The following RUFY2 variants were observed in gnomAD, a reference collection of about 807,000 sequenced individuals.
RUFY2 encodes the protein RUN and FYVE domain-containing protein 2.
RUFY2 carries 49 observed loss-of-function variants against 94.4 expected under a neutral mutation model. The observed-to-expected ratio is 0.52, with a 90% CI of 0.41 to 0.66. RUFY2 has a LOEUF of 0.66. RUFY2 is among the 30% of genes least tolerant of loss of function. The probability of loss-of-function intolerance (pLI) is 0.00; values close to 1 mark genes in which losing one functional copy is unlikely to be tolerated. For synonymous variants in RUFY2, 255 were observed against 235.7 expected, an observed-to-expected ratio of 1.08 and a Z score of -0.75; for missense variants, 541 against 692.8, an observed-to-expected ratio of 0.78 and a Z score of 2.46.
In RUFY2 at chr10:68,356,073, G is replaced by A. The variant is rs933784225; in HGVS notation, c.1551-672C>T. Among the ~76,000 whole-genome samples, 11 of 152,114 alleles carry A rather than the reference G, an allele frequency of 7.2e-5. No homozygotes were observed. In the South Asian group the frequency reaches 1.7e-3, roughly 23 times the overall value. On this transcript the variant is annotated intron_variant, in intron 15 of 17. Coordinates refer to ENST00000602465, the MANE Select transcript of RUFY2 (RefSeq NM_001330103.2). Reference sequence around the variant, plus strand: ...TTTTAAAGATGAAGAAATGACTGATGAAGTTTAGTCACTTGTAAGAAGTCA... The same window carrying A: ...TTTTAAAGATGAAGAAATGACTGATAAAGTTTAGTCACTTGTAAGAAGTCA...
intron 11 of RUFY2, 88 bp downstream of exon 11, chr10:68,381,143 TA>T: frequency 1.1e-6 from 1 of 936,314 alleles, no homozygotes; most frequent in Non-Finnish European, 1.6e-6. Flanking sequence ...ACAGTTAAAA[TA>T]AAATGGGCTC....
Position 68,407,175 on chromosome 10 carries a change from G to T in RUFY2, c.4+11C>A. On this transcript the variant is annotated intron_variant, in intron 1 of 17. Transcript: ENST00000602465. ...AGGGCCTAGCGTTCGGTTTCGGCCCGCTCGCCTTACCCATGGCGGCGGCGG... is the reference window on the plus strand; with the variant it reads ...AGGGCCTAGCGTTCGGTTTCGGCCCTCTCGCCTTACCCATGGCGGCGGCGG... 6.9e-7 allele frequency: 1 copy of T among 1,449,852 alleles called. No individual in the cohort carries two copies. The highest frequency in any genetic ancestry group is 1.4e-5 in the South Asian group (1 of 72,678). 89.8% of individuals were successfully genotyped at this position (1,449,852 alleles called of 1,614,324 possible). A position where few individuals can be genotyped will look rare whatever the true frequency, so the allele number is the denominator to read the frequency against.
In RUFY2 at chr10:68,383,954, T is replaced by C. The variant is rs775278378; in HGVS notation, c.823-40A>G. 29 of 1,571,028 alleles carry C rather than the reference T, an allele frequency of 1.8e-5. No homozygotes were observed. The African/African-American group carries it at 3.8e-4, about 21-fold the overall frequency. ...AAATTTTTCATTCTATAATCACTAC[T>C]ATTAATACAGCATAGAAATACCTAC... On this transcript the variant is annotated intron_variant, in intron 9 of 17. Transcript: ENST00000602465.
At chr10:68,373,553 G>A (rs2048416020) in intron 13 of RUFY2, among the ~76,000 whole-genome samples, 1 of 152,072 alleles carries the variant, frequency 6.6e-6, no homozygotes, top group Non-Finnish European at 1.5e-5. Flanking sequence ...AATCACTTGA[G>A]GCCAGGAGTT....
intron 8 of RUFY2, among the ~76,000 whole-genome samples, chr10:68,385,441 G>T (rs1197962599): frequency 6.6e-6 from 1 of 152,012 alleles, no homozygotes; most frequent in South Asian, 2.1e-4. Context: ...AGATAAATTT[G>T]CAAGAAAACA....
chr10:68,341,988 T>C, downstream of RUFY2: 1 of 1,613,978 alleles, frequency 6.2e-7, no homozygotes, highest in Non-Finnish European at 8.5e-7. Context: ...GCCGTGGTGG[T>C]GGAGGCAGTG....
chr10:68,343,274 GTC>G (rs1254282746), downstream of RUFY2: 1 of 152,196 alleles, frequency 6.6e-6, no homozygotes, highest in African/African-American at 2.4e-5. Context: ...TACATACGAT[GTC>G]TATGATTTAG....
chr10:68,376,932 C>T lies in RUFY2; in HGVS notation c.1246G>A (p.Glu416Lys), dbSNP rs1342130671. Reference sequence around the variant, plus strand: ...CATTCTTGTAGATATTTCTCATCCTCATCTTCAGCTTCCATTTGCGCCTTC... The same window carrying T: ...CATTCTTGTAGATATTTCTCATCCTTATCTTCAGCTTCCATTTGCGCCTTC... The part of the protein sequence containing the change: ...AEKAQMEAED[E>K]DEKYLQECLS... Residue 416 changes from glutamate (E) to lysine (K), a missense_variant, in exon 13 of 18, where the codon GAG (glutamate) becomes AAG (lysine). Glu to Lys is a moderately conservative substitution (Grantham distance 56). Around this residue, in one of 3 missense-constraint regions of RUFY2, gnomAD observed 403 missense variants for 480.7 expected, o/e 0.84. Coordinates refer to ENST00000602465, the MANE Select transcript of RUFY2 (RefSeq NM_001330103.2). The T allele has an allele frequency of 1.2e-6, 2 of 1,613,724 alleles. No homozygotes were observed. Among genetic ancestry groups the T allele is most frequent in the Admixed American group, 1.7e-5 (1 of 59,976 alleles).
chr10:68,378,116 GGGTGTT>G, intron 12 of RUFY2: 1 of 985,632 alleles, frequency 1.0e-6, no homozygotes, highest in Non-Finnish European at 1.2e-6. Context: ...CTGAAGCACA[GGGTGTT>G]GGCCAGTCTG....
chr10:68,358,131 T>C (rs1430013125), intron 15 of RUFY2, among the ~76,000 whole-genome samples: 1 of 152,138 alleles, frequency 6.6e-6, no homozygotes, highest in African/African-American at 2.4e-5. Context: ...TAGGTTGCAA[T>C]GAGCCAAGAT....
rs879918138 is a variant in RUFY2 at position 68,366,845 on chromosome 10, TATAA to T, written c.1326-2736_1326-2733del. 8.0e-3 allele frequency among the ~76,000 whole-genome samples: 1,131 copies of T among 140,508 alleles called. 13 individuals carry two copies. The highest frequency in any genetic ancestry group is 0.027 in the African/African-American group (1,037 of 38,564). 92.2% of individuals were successfully genotyped at this position (140,508 alleles called of 152,430 possible). On this transcript the variant is annotated intron_variant, in intron 13 of 17. Coordinates refer to ENST00000602465, the MANE Select transcript of RUFY2 (RefSeq NM_001330103.2). ...TGGTATATATTATAATAATATATAA[TATAA>T]ATAAATAAATATATTAAATAAATAT... is the stretch of plus-strand genomic sequence containing the variant.
intron 16 of RUFY2, among the ~76,000 whole-genome samples, chr10:68,352,687 T>C (rs899426353): frequency 6.6e-6 from 1 of 152,136 alleles, no homozygotes; most frequent in Non-Finnish European, 1.5e-5. Context: ...TCCCAGCACT[T>C]TGGGAGGCCA....
In RUFY2 at chr10:68,379,974, AT is replaced by A. The variant is rs1230439104; in HGVS notation, c.1108-454del. Among the ~76,000 whole-genome samples, 14 of 151,518 alleles carry A rather than the reference AT, an allele frequency of 9.2e-5. No individual in the cohort carries two copies. In the East Asian group the frequency reaches 2.5e-3, roughly 27 times the overall value. On this transcript the variant is annotated intron_variant, in intron 11 of 17. Coordinates refer to ENST00000602465, the MANE Select transcript of RUFY2 (RefSeq NM_001330103.2). ...AGGTGCCCGCCACTGCGCCCAGCTA[AT>A]TTTTTTGTATTCTTAGTAGAGACAG...
chr10:68,380,460 T>C (rs2048977055), intron 11 of RUFY2, among the ~76,000 whole-genome samples: 1 of 152,120 alleles, frequency 6.6e-6, no homozygotes, highest in Non-Finnish European at 1.5e-5. Context: ...TCAATATTTT[T>C]GGAAGATGAC....
intron 13 of RUFY2, among the ~76,000 whole-genome samples, chr10:68,367,434 T>G (rs2047925341): frequency 1.3e-5 from 2 of 152,124 alleles, no homozygotes; most frequent in Non-Finnish European, 1.5e-5. Context: ...ATTTTTTTTC[T>G]GAATGTTTTG....
intron 13 of RUFY2, among the ~76,000 whole-genome samples, chr10:68,369,700 T>C (rs1237861439): frequency 1.3e-5 from 2 of 151,908 alleles, no homozygotes; most frequent in African/African-American, 4.8e-5. Flanking sequence ...GGCAGGAGGA[T>C]CACTTGAGTC....
chr10:68,381,840 T>G (rs10823187), intron 10 of RUFY2, among the ~76,000 whole-genome samples: 1 of 152,094 alleles, frequency 6.6e-6, no homozygotes, highest in Admixed American at 6.5e-5. Context: ...AGAGTAAGAC[T>G]CTGTCTCAAA....
chr10:68,367,643 TTCTTTTCTTTCTTTC>T lies in RUFY2; in HGVS notation c.1326-3545_1326-3531del, dbSNP rs1363435989. Among the ~76,000 whole-genome samples, 922 of 151,886 alleles carry T rather than the reference TTCTTTTCTTTCTTTC, an allele frequency of 6.1e-3. 15 individuals carry two copies. The highest frequency in any genetic ancestry group is 0.021 in the African/African-American group (877 of 41,370). ...CTAATTTTTTCTTTCTTTCCTTCTT[TTCTTTTCTTTCTTTC>T]TCTTTTCTTTCTTTCTCTCTCTCCC... On this transcript the variant is annotated intron_variant, in intron 13 of 17. Transcript: ENST00000602465.
intron 13 of RUFY2, among the ~76,000 whole-genome samples, chr10:68,370,332 GA>G (rs1412029567): frequency 6.6e-6 from 1 of 151,586 alleles, no homozygotes; most frequent in Admixed American, 6.6e-5. Flanking sequence ...GGATCTAAGG[GA>G]AAAAAATAAA....
Sources: allele counts gnomAD v4.1 joint callset (sites outside exome capture counted in the v4.1 genomes callset), GRCh38; gene constraint gnomAD v4.1.1; regional missense constraint gnomAD v4.1.1; transcripts MANE v1.5; gene names NCBI Gene and HGNC (gene_info 2026-07-23, HGNC 2026-07-21).